Variants in TGM3 observed in about 807,000 individuals in gnomAD.
TGM3 encodes transglutaminase 3, also known as protein-glutamine gamma-glutamyltransferase E.
TGM3 carries 52 observed loss-of-function variants against 73.8 expected under a neutral mutation model. That is an observed-to-expected ratio of 0.70 (90% CI 0.56 to 0.89). The LOEUF is 0.89. TGM3 is among the 40% of genes least tolerant of loss of function. TGM3 has a pLI of 0.00. For synonymous variants in TGM3, 372 were observed against 354.9 expected, an observed-to-expected ratio of 1.05 and a Z score of -0.54; for missense variants, 928 against 909.9, an observed-to-expected ratio of 1.02 and a Z score of -0.26.
At chr20:2,329,361 G>GC (rs745406330) in intron 9 of TGM3, among the ~76,000 whole-genome samples, 13 of 152,212 alleles carry the variant, frequency 8.5e-5, no homozygotes, top group South Asian at 2.1e-4. Context: ...CCAAGTGGGT[G>GC]CCCCCCCAGG....
intron 9 of TGM3, among the ~76,000 whole-genome samples, chr20:2,331,434 T>A (rs1600706889): frequency 6.6e-6 from 1 of 152,298 alleles, no homozygotes; most frequent in Non-Finnish European, 1.5e-5. Context: ...TTTCAACTAG[T>A]CATAACTTGG....
chr20:2,311,340 T>C (rs937129759), intron 4 of TGM3, among the ~76,000 whole-genome samples: 5 of 152,242 alleles, frequency 3.3e-5, no homozygotes, highest in African/African-American at 1.2e-4. Flanking sequence ...GACAGATCCA[T>C]CTTTGAGGGG....
intron 5 of TGM3, among the ~76,000 whole-genome samples, chr20:2,314,968 G>GCTGAGT (rs2084225462): frequency 6.6e-6 from 1 of 152,190 alleles, no homozygotes; most frequent in Non-Finnish European, 1.5e-5. Context: ...TTTGGAAAGA[G>GCTGAGT]CTGAGTCTTA....
chr20:2,318,066 C>G (rs1026045387), intron 7 of TGM3, among the ~76,000 whole-genome samples: 1 of 151,920 alleles, frequency 6.6e-6, no homozygotes. Flanking sequence ...GTTGCCCAGG[C>G]TGGAGTGCAA....
intron 1 of TGM3, among the ~76,000 whole-genome samples, chr20:2,306,195 A>C (rs1376588547): frequency 6.6e-6 from 1 of 152,218 alleles, no homozygotes; most frequent in Non-Finnish European, 1.5e-5. Flanking sequence ...AGGTGCCAGC[A>C]AGAGATGCTG....
intron 11 of TGM3, among the ~76,000 whole-genome samples, chr20:2,339,391 C>A (rs2122261641): frequency 6.6e-6 from 1 of 152,328 alleles, no homozygotes; most frequent in Middle Eastern, 3.4e-3. Context: ...AATCCCAGTG[C>A]TTTGGGAGGC....
intron 7 of TGM3, among the ~76,000 whole-genome samples, chr20:2,317,922 CATATAT>C (rs58550267): frequency 1.4e-5 from 2 of 143,064 alleles, no homozygotes; most frequent in Non-Finnish European, 3.0e-5. Context: ...CTTCTCTTAG[CATATAT>C]ATATATATAT....
chr20:2,313,494 C>T (rs2084217634), intron 5 of TGM3, among the ~76,000 whole-genome samples: 1 of 152,258 alleles, frequency 6.6e-6, no homozygotes. Context: ...TGGTAGGCTG[C>T]CTCATTCATG....
chr20:2,312,555 C>T (rs1216272683), intron 4 of TGM3, among the ~76,000 whole-genome samples: 1 of 152,266 alleles, frequency 6.6e-6, no homozygotes, highest in East Asian at 1.9e-4. Flanking sequence ...CTAGACCAAG[C>T]CACCTCCCAT....
At chr20:2,322,839 A>G (rs1408318209) in intron 7 of TGM3, among the ~76,000 whole-genome samples, 3 of 152,266 alleles carry the variant, frequency 2.0e-5, no homozygotes, top group Admixed American at 6.5e-5. Flanking sequence ...TTTTCTAATT[A>G]TAGAAGTAAT....
At chr20:2,339,600 AG>A (rs2084369260) in intron 11 of TGM3, among the ~76,000 whole-genome samples, 1 of 152,224 alleles carries the variant, frequency 6.6e-6, no homozygotes, top group South Asian at 2.1e-4. Flanking sequence ...TGGCTGCTGC[AG>A]GGGGCCCCTT....
intron 1 of TGM3, among the ~76,000 whole-genome samples, chr20:2,302,363 TA>T (rs1183405774): frequency 6.6e-6 from 1 of 152,208 alleles, no homozygotes; most frequent in Non-Finnish European, 1.5e-5. Context: ...GACCACAGAA[TA>T]AATGGGCAGG....
intron 7 of TGM3, among the ~76,000 whole-genome samples, chr20:2,322,459 T>C (rs1392870087): frequency 1.3e-5 from 2 of 152,174 alleles, no homozygotes; most frequent in Admixed American, 6.5e-5. Flanking sequence ...GCATTCTCCC[T>C]ATGTCATTAA....
rs1034147740 is a variant in TGM3 at position 2,328,644 on chromosome 20, C to T, written c.1333+279C>T. On this transcript the variant is annotated intron_variant, in intron 9 of 12. Transcript: ENST00000381458. The surrounding 1 kb of genome is among the most constrained non-coding windows in gnomAD (Gnocchi z 5.2). ...CAGCTGTGTCCCTGTCTCAACTACA[C>T]AGCTAGGGTGACAGCACCGTGACTG... Among the ~76,000 whole-genome samples the T allele has an allele frequency of 1.3e-5, 2 of 152,240 alleles. No individual in the cohort carries two copies. The highest frequency in any genetic ancestry group is 2.9e-5 in the Non-Finnish European group (2 of 68,048).
intron 11 of TGM3, among the ~76,000 whole-genome samples, chr20:2,336,912 C>T (rs757985822): frequency 2.2e-4 from 34 of 152,242 alleles, no homozygotes; most frequent in Non-Finnish European, 3.8e-4. Flanking sequence ...TCAGGGAAGC[C>T]TTTCCTGAGC....
chr20:2,306,472 C>CTTTTTT (rs33929365), intron 1 of TGM3, among the ~76,000 whole-genome samples: 19 of 129,608 alleles, frequency 1.5e-4, no homozygotes, highest in East Asian at 2.3e-4. Flanking sequence ...CTTTTCCTTT[C>CTTTTTT]TTTTTTTTTT....
At chr20:2,324,301 C>T (rs1302654131) in intron 7 of TGM3, among the ~76,000 whole-genome samples, 1 of 152,070 alleles carries the variant, frequency 6.6e-6, no homozygotes, top group Non-Finnish European at 1.5e-5. Flanking sequence ...TTTCGTTGAG[C>T]CTCGCTCTAG....
Position 2,296,196 on chromosome 20 carries a change from T to C in TGM3, c.7+126T>C, listed in dbSNP as rs563937235. On this transcript the variant is annotated intron_variant, in intron 1 of 12. Coordinates refer to ENST00000381458, the MANE Select transcript of TGM3 (RefSeq NM_003245.4). ...CCTTGGGGGCTCTGAAGGCCAGACT[T>C]CCTATTTTAGGGTGCTAGCCAGAGG... 7 of 1,222,610 alleles carry C rather than the reference T, an allele frequency of 5.7e-6. No homozygotes were observed. The African/African-American group carries it at 9.0e-5, about 16-fold the overall frequency. 75.7% of individuals were successfully genotyped at this position (1,222,610 alleles called of 1,614,324 possible). A position where few individuals can be genotyped will look rare whatever the true frequency, so the allele number is the denominator to read the frequency against.
chr20:2,303,435 C>G (rs957777388), intron 1 of TGM3, among the ~76,000 whole-genome samples: 2 of 151,706 alleles, frequency 1.3e-5, no homozygotes, highest in Admixed American at 1.3e-4. Context: ...TTGGGGGATT[C>G]TTTGAGGAGT....
Sources: gnomAD v4.1 joint callset for allele counts (sites outside exome capture counted in the v4.1 genomes callset) on GRCh38, gnomAD v4.1.1 for gene constraint, Gnocchi (gnomAD v3.1) non-coding constraint, MANE v1.5 for transcripts, NCBI Gene and HGNC (gene_info 2026-07-23, HGNC 2026-07-21) for gene names.